PLXDC2: variants seen among roughly 807,000 people sequenced by gnomAD.
PLXDC2 encodes plexin domain-containing protein 2.
PLXDC2 carries 40 observed loss-of-function variants against 68.9 expected under a neutral mutation model. That is an observed-to-expected ratio of 0.58 (90% CI 0.45 to 0.76). The LOEUF (loss-of-function observed/expected upper bound fraction) is 0.76, where lower values mean the gene tolerates loss of function less well. Ranked by LOEUF, PLXDC2 falls within the 30% of genes least tolerant of loss-of-function variation. PLXDC2 has a pLI of 0.00. For missense variants in PLXDC2, 644 were observed against 661.9 expected (o/e 0.97, Z 0.30); for synonymous variants, 243 against 234.2 (o/e 1.04, Z -0.34).
chr10:20,114,614 T>C (rs1188131083), intron 4 of PLXDC2, among the ~76,000 whole-genome samples: 2 of 152,214 alleles, frequency 1.3e-5, no homozygotes, highest in African/African-American at 2.4e-5. Context: ...TCAGGCCTTC[T>C]GGGTTTGTGG....
At chr10:20,259,744 T>C (rs1361422091) in intron 13 of PLXDC2, among the ~76,000 whole-genome samples, 1 of 152,182 alleles carries the variant, frequency 6.6e-6, no homozygotes, top group Non-Finnish European at 1.5e-5. Context: ...GAGGGGCAAG[T>C]GCCCACTCCA....
intron 1 of PLXDC2, among the ~76,000 whole-genome samples, chr10:19,880,281 G>A (rs1447323665): frequency 6.6e-6 from 1 of 152,054 alleles, no homozygotes; most frequent in African/African-American, 2.4e-5. Context: ...CTAATCCATG[G>A]GGCATATGTA....
intron 4 of PLXDC2, among the ~76,000 whole-genome samples, chr10:20,124,069 C>G (rs1833737164): frequency 6.6e-6 from 1 of 152,054 alleles, no homozygotes; most frequent in Non-Finnish European, 1.5e-5. Context: ...ACTTGCCCCT[C>G]CCACAGAAAA....
At chr10:19,912,939 T>C (rs1179578293) in intron 1 of PLXDC2, among the ~76,000 whole-genome samples, 1 of 152,162 alleles carries the variant, frequency 6.6e-6, no homozygotes, top group Non-Finnish European at 1.5e-5. Context: ...TGCACCTCTT[T>C]CCTAAGGCAG....
intron 4 of PLXDC2, among the ~76,000 whole-genome samples, chr10:20,069,235 C>T (rs1490955834): frequency 1.3e-5 from 2 of 152,084 alleles, no homozygotes; most frequent in Non-Finnish European, 2.9e-5. Flanking sequence ...GAAATATCAA[C>T]AAGTAACTGG....
chr10:20,089,459 A>G (rs935808762), intron 4 of PLXDC2, among the ~76,000 whole-genome samples: 2 of 152,150 alleles, frequency 1.3e-5, no homozygotes, highest in South Asian at 2.1e-4. Context: ...CTTGTCCCTA[A>G]GATTCATGGT....
chr10:19,892,200 C>T (rs1326863901), intron 1 of PLXDC2, among the ~76,000 whole-genome samples: 1 of 152,126 alleles, frequency 6.6e-6, no homozygotes, highest in Non-Finnish European at 1.5e-5. Context: ...GACTAAGTGC[C>T]AGCCACTGTC....
At chr10:20,229,168 G>A (rs1450052811) in intron 12 of PLXDC2, among the ~76,000 whole-genome samples, 2 of 152,138 alleles carry the variant, frequency 1.3e-5, no homozygotes. Flanking sequence ...ACAAGCATGG[G>A]TGGAGCCAAT....
intron 1 of PLXDC2, among the ~76,000 whole-genome samples, chr10:19,843,897 T>A (rs1165632689): frequency 2.6e-5 from 4 of 152,150 alleles, no homozygotes. Flanking sequence ...AAAACTGTAT[T>A]GTGTATTTCA....
At chr10:20,100,725 G>T (rs1833411442) in intron 4 of PLXDC2, among the ~76,000 whole-genome samples, 1 of 151,970 alleles carries the variant, frequency 6.6e-6, no homozygotes, top group South Asian at 2.1e-4. Context: ...AATATTTTTT[G>T]CCAAAAATTT....
intron 1 of PLXDC2, among the ~76,000 whole-genome samples, chr10:19,837,407 AGAGTGTGTGT>A (rs1346885303): frequency 2.7e-3 from 233 of 87,602 alleles, no homozygotes; most frequent in Non-Finnish European, 3.7e-3. Context: ...AGAGAGAGAG[AGAGTGTGTGT>A]GTGTGTGTGT....
chr10:20,107,915 C>T lies in PLXDC2; in HGVS notation c.542-35380C>T, dbSNP rs1589632774. Reference sequence around the variant, plus strand: ...TAACAAATAAACCTAGAAGATTATGCCTAAGGAAATTATTTTTAATAATTA... The same window carrying T: ...TAACAAATAAACCTAGAAGATTATGTCTAAGGAAATTATTTTTAATAATTA... On this transcript the variant is annotated intron_variant, in intron 4 of 13. Coordinates refer to ENST00000377252, the MANE Select transcript of PLXDC2 (RefSeq NM_032812.9). 2.0e-5 allele frequency among the ~76,000 whole-genome samples: 3 copies of T among 152,048 alleles called. No individual in the cohort carries two copies. The South Asian group carries it at 6.2e-4, about 32-fold the overall frequency.
intron 1 of PLXDC2, among the ~76,000 whole-genome samples, chr10:19,861,250 G>C (rs1053404914): frequency 1.3e-5 from 2 of 152,002 alleles, no homozygotes; most frequent in East Asian, 1.9e-4. Context: ...GGCCAGGCTG[G>C]TCTAGGACTC....
intron 3 of PLXDC2, among the ~76,000 whole-genome samples, chr10:20,067,337 A>G (rs1216539125): frequency 6.6e-6 from 1 of 152,130 alleles, no homozygotes; most frequent in Non-Finnish European, 1.5e-5. Flanking sequence ...TGTGTTTCTA[A>G]GAGTGGACAC....
chr10:20,262,962 G>C (rs1835827956), intron 13 of PLXDC2, among the ~76,000 whole-genome samples: 1 of 152,220 alleles, frequency 6.6e-6, no homozygotes, highest in Admixed American at 6.5e-5. Context: ...AAAGCTCTCT[G>C]CTACTGCCTT....
chr10:20,078,183 G>A (rs1222249407), intron 4 of PLXDC2, among the ~76,000 whole-genome samples: 1 of 151,928 alleles, frequency 6.6e-6, no homozygotes, highest in Non-Finnish European at 1.5e-5. Context: ...CTTGAGACCA[G>A]CCTGGAAAAC....
At chr10:20,005,958 A>G (rs765643273) in intron 2 of PLXDC2, among the ~76,000 whole-genome samples, 1 of 152,152 alleles carries the variant, frequency 6.6e-6, no homozygotes, top group Non-Finnish European at 1.5e-5. Flanking sequence ...GGTAGGCTGA[A>G]GTGCGCAGAT....
intron 2 of PLXDC2, among the ~76,000 whole-genome samples, chr10:20,002,831 G>T (rs1834965076): frequency 6.6e-6 from 1 of 152,156 alleles, no homozygotes; most frequent in African/African-American, 2.4e-5. Context: ...AGTGGCTGAG[G>T]TGTAGAATGA....
chr10:19,864,828 G>T (rs75527801), intron 1 of PLXDC2, among the ~76,000 whole-genome samples: 4,188 of 152,236 alleles, frequency 0.028, 85 homozygotes, highest in Middle Eastern at 0.054. Context: ...AATTCACGTC[G>T]GGCTGTAGTT....
Sources: gnomAD v4.1 joint callset for allele counts (sites outside exome capture counted in the v4.1 genomes callset) on GRCh38, gnomAD v4.1.1 for gene constraint, MANE v1.5 for transcripts, NCBI Gene and HGNC (gene_info 2026-07-23, HGNC 2026-07-21) for gene names.